Variants in ABCE1 observed in about 807,000 individuals in gnomAD.
The protein encoded by ABCE1 is ATP binding cassette subfamily E member 1.
Under a neutral mutation model 83.4 loss-of-function variants are expected in ABCE1, and 22 were observed. The ratio of observed to expected loss-of-function variants is 0.26; its 90% CI spans 0.19 to 0.38. The LOEUF (loss-of-function observed/expected upper bound fraction) is 0.38. Among genes scored for constraint, ABCE1 ranks in the 10% least tolerant of loss-of-function variants. The pLI, the probability that ABCE1 is intolerant of heterozygous loss-of-function variation, is 1.00. For missense variants in ABCE1, 330 were observed against 721.9 expected, an observed-to-expected ratio of 0.46 and a Z score of 6.22; for synonymous variants, 204 against 233.7, an observed-to-expected ratio of 0.87 and a Z score of 1.16.
intron 9 of ABCE1, among the ~76,000 whole-genome samples, chr4:145,112,711 G>T (rs891795697): frequency 3.3e-5 from 5 of 152,072 alleles, no homozygotes; most frequent in Non-Finnish European, 7.4e-5. Context: ...TCAGAATCTT[G>T]CTGGACAAAA....
At chr4:145,127,389 G>A (rs1749915071) in intron 17 of ABCE1, 137 bp from the exon 18 acceptor site, 1 of 707,324 alleles carries the variant, frequency 1.4e-6, no homozygotes, top group Non-Finnish European at 2.4e-6. Context: ...GGAATATCCA[G>A]AAACAGATGG....
intron 2 of ABCE1, among the ~76,000 whole-genome samples, chr4:145,105,235 G>C (rs953297681): frequency 2.2e-4 from 33 of 152,042 alleles, no homozygotes; most frequent in African/African-American, 8.0e-4. Context: ...TTAATGCTCT[G>C]CCTTACCATT....
chr4:145,110,859 A>G (rs1749451462), intron 7 of ABCE1, 109 bp from the exon 8 acceptor site: 3 of 690,546 alleles, frequency 4.3e-6, no homozygotes, highest in Admixed American at 2.9e-5. Context: ...TTATATTTAA[A>G]CAATTTTCAA....
At position 145,123,534 on chromosome 4, in the gene ABCE1, C is replaced by G; in HGVS notation, c.1574C>G (p.Ala525Gly). The G allele has an allele frequency of 6.2e-7, 1 of 1,608,426 alleles. No individual in the cohort carries two copies. Residue 525 changes from alanine to glycine, a missense_variant, in exon 16 of 18, where the codon GCC becomes GGC. Transcript: ENST00000296577. ...GTTGTGGAACATGACTTCATCATGG[C>G]CACCTATCTAGCGGATCGCGTCATC... ...AFVVEHDFIM[A>G]TYLADRVIVF...
At position 145,106,690 on chromosome 4, in the gene ABCE1, T is replaced by G. The variant is rs181598239; in HGVS notation, c.189+1000T>G. ...AAGATATTATAATGTACCTCATATA[T>G]GAACAGTGGATATTTTTTTCCTTGT... On this transcript the variant is annotated intron_variant, in intron 3 of 17. Transcript: ENST00000296577. Among the ~76,000 whole-genome samples, 27 of 152,224 alleles carry G rather than the reference T, an allele frequency of 1.8e-4. No individual in the cohort carries two copies. In the East Asian group the frequency reaches 5.0e-3, roughly 28 times the overall value.
chr4:145,106,260 C>T (rs1157047270), intron 3 of ABCE1, among the ~76,000 whole-genome samples: 4 of 151,894 alleles, frequency 2.6e-5, no homozygotes, highest in African/African-American at 9.7e-5. Context: ...TTAGATCTTT[C>T]TGTTTGTAGA....
In ABCE1 at chr4:145,123,145, A is replaced by AT. The variant is rs760122824; in HGVS notation, c.1374+22dup. On this transcript the variant is annotated intron_variant, in intron 14 of 17. Transcript: ENST00000296577. ...ATTGATCAAGAGGTACTTTAACATA[A>AT]TTTTTTTTATTTTTTTATTATTTTG... 3.7e-5 allele frequency: 58 copies of AT among 1,574,934 alleles called. No homozygotes were observed. The highest frequency in any genetic ancestry group is 4.1e-4 in the Middle Eastern group (2 of 4,938).
chr4:145,110,790 G>A (rs1749449830), intron 7 of ABCE1, 178 bp from the exon 8 acceptor site: 1 of 569,060 alleles, frequency 1.8e-6, no homozygotes, highest in East Asian at 3.0e-5. Context: ...AATAGGCCCT[G>A]AACTTAAGTG....
Position 145,112,956 on chromosome 4 carries a change from T to G in ABCE1, c.800+628T>G, listed in dbSNP as rs144229264. 2.2e-3 allele frequency among the ~76,000 whole-genome samples: 328 copies of G among 152,170 alleles called. 2 individuals are homozygous for G. The highest frequency in any genetic ancestry group is 4.0e-3 in the Non-Finnish European group (273 of 67,998). On this transcript the variant is annotated intron_variant, in intron 9 of 17. Coordinates refer to ENST00000296577, the MANE Select transcript of ABCE1 (RefSeq NM_002940.3). ...CAAAGCTGTGACCAGACCCCAGGGG[T>G]TTTTTTCTGTATAGTATTTTCTGTG...
At chr4:145,123,874 T>G (rs1323904764) in intron 16 of ABCE1, 1 of 217,434 alleles carries the variant, frequency 4.6e-6, no homozygotes, top group Non-Finnish European at 9.2e-6. Flanking sequence ...TAACTTTTGT[T>G]TGCTTTATTA....
At chr4:145,103,244 T>C (rs1474732416) in intron 1 of ABCE1, among the ~76,000 whole-genome samples, 1 of 152,064 alleles carries the variant, frequency 6.6e-6, no homozygotes, top group Non-Finnish European at 1.5e-5. Flanking sequence ...AAGCAGTCTA[T>C]TAAAAAAAAT....
intron 5 of ABCE1, 71 bp from the exon 6 acceptor site, chr4:145,110,032 C>CTCTT: frequency 7.5e-7 from 1 of 1,328,240 alleles, no homozygotes; most frequent in East Asian, 2.4e-5. Context: ...AATCTATTTC[C>CTCTT]TGTAGCATTC....
intron 4 of ABCE1, 76 bp from the exon 5 acceptor site, chr4:145,109,056 A>G (rs1749389254): frequency 9.7e-7 from 1 of 1,027,190 alleles, no homozygotes; most frequent in South Asian, 1.4e-5. Context: ...GTGCATTAAA[A>G]TATATCATTC....
intron 1 of ABCE1, among the ~76,000 whole-genome samples, chr4:145,099,109 A>G (rs941516589): frequency 6.6e-6 from 1 of 152,124 alleles, no homozygotes; most frequent in African/African-American, 2.4e-5. Context: ...TGTATCTAAT[A>G]CTCATTGAGA....
At position 145,127,730 on chromosome 4, in the gene ABCE1, A is replaced by G. The variant is rs1749931524; in HGVS notation, c.*157A>G. 4 of 502,358 alleles carry G rather than the reference A, an allele frequency of 8.0e-6. No individual in the cohort carries two copies. Among genetic ancestry groups the G allele is most frequent in the Non-Finnish European group, 1.3e-5 (4 of 300,846 alleles). The allele number at this position is 502,358 out of a possible 1,614,324, so 31.1% of individuals were successfully genotyped here. On this transcript the variant is annotated 3_prime_UTR_variant, in exon 18 of 18. Transcript: ENST00000296577. ...ACATAAAAAGCCAGTTGGGTTCTAAATTGTAGTTGAAACACAGAAAATGCC... is the reference window on the plus strand; with the variant it reads ...ACATAAAAAGCCAGTTGGGTTCTAAGTTGTAGTTGAAACACAGAAAATGCC...
At position 145,127,773 on chromosome 4, in the gene ABCE1, G is replaced by A. The variant is rs1749932973; in HGVS notation, c.*200G>A. On this transcript the variant is annotated 3_prime_UTR_variant, in exon 18 of 18. Transcript: ENST00000296577. Reference sequence around the variant, plus strand: ...AAAATGCCACTTTTCTGTTCCTGAAGAGGCTCTTTTGTGCATAATATTCTA... The same window carrying A: ...AAAATGCCACTTTTCTGTTCCTGAAAAGGCTCTTTTGTGCATAATATTCTA... 2.2e-6 allele frequency: 1 copy of A among 448,972 alleles called. No individual in the cohort carries two copies. The highest frequency in any genetic ancestry group is 2.1e-5 in the African/African-American group (1 of 48,216). The allele number at this position is 448,972 out of a possible 1,614,324, so 27.8% of individuals were successfully genotyped here. A position where few individuals can be genotyped will look rare whatever the true frequency, so the allele number is the denominator to read the frequency against.
intron 10 of ABCE1, among the ~76,000 whole-genome samples, chr4:145,118,148 A>G (rs1159961626): frequency 6.6e-6 from 1 of 151,662 alleles, no homozygotes; most frequent in African/African-American, 2.4e-5. Flanking sequence ...TCAGAACACT[A>G]AAAGGGCTGT....
At position 145,110,982 on chromosome 4, in the gene ABCE1, A is replaced by G; in HGVS notation, c.628A>G (p.Lys210Glu). ...GTTCTTTGTAGATTTAACCCACCTAAAAGAACGAAATGTTGAAGATCTTTC... is the reference window on the plus strand; with the variant it reads ...GTTCTTTGTAGATTTAACCCACCTAGAAGAACGAAATGTTGAAGATCTTTC... Reference protein sequence around the residue: ...VCQQLDLTHLKERNVEDLSGG... With the variant: ...VCQQLDLTHLEERNVEDLSGG... Residue 210 changes from lysine to glutamate, a missense_variant, in exon 8 of 18, where the codon AAA (lysine) becomes GAA (glutamate). Lys to Glu is a moderately conservative substitution (Grantham distance 56). Coordinates refer to ENST00000296577, the MANE Select transcript of ABCE1 (RefSeq NM_002940.3). The G allele has an allele frequency of 6.2e-7, 1 of 1,610,172 alleles. No individual in the cohort carries two copies. Among genetic ancestry groups the G allele is most frequent in the East Asian group, 2.2e-5 (1 of 44,700 alleles).
At chr4:145,110,524 G>T (rs1579213613) in intron 7 of ABCE1, 80 bp downstream of exon 7, 1 of 1,397,950 alleles carries the variant, frequency 7.2e-7, no homozygotes, top group East Asian at 2.4e-5. Context: ...TGCCCAGGCT[G>T]GGGTGCAATG....
Sources: allele counts gnomAD v4.1 joint callset (sites outside exome capture counted in the v4.1 genomes callset), GRCh38; gene constraint gnomAD v4.1.1; transcripts MANE v1.5; gene names NCBI Gene and HGNC (gene_info 2026-07-23, HGNC 2026-07-21).